Variants in THSD7A observed in about 807,000 individuals in gnomAD.
THSD7A encodes thrombospondin type 1 domain containing 7A, also known as thrombospondin type-1 domain-containing protein 7A.
Under a neutral mutation model 231.3 loss-of-function variants are expected in THSD7A, and 96 were observed. The ratio of observed to expected loss-of-function variants is 0.41; its 90% confidence interval spans 0.35 to 0.49. The LOEUF (loss-of-function observed/expected upper bound fraction) is 0.49. Ranked by LOEUF, THSD7A falls within the 20% of genes least tolerant of loss-of-function variation. THSD7A has a pLI of 0.05. For synonymous variants in THSD7A, 940 were observed against 743.3 expected, an observed-to-expected ratio of 1.26 and a Z score of -4.30; for missense variants, 2,290 against 2,070.2, an observed-to-expected ratio of 1.11 and a Z score of -2.06.
chr7:11,392,539 C>G (rs1395408176), intron 23 of THSD7A, among the ~76,000 whole-genome samples: 3 of 152,108 alleles, frequency 2.0e-5, no homozygotes, highest in Non-Finnish European at 4.4e-5. Context: ...CCGAACTATT[C>G]ACTCCCCTGG....
At chr7:11,485,734 G>A (rs1438613138) in intron 6 of THSD7A, among the ~76,000 whole-genome samples, 1 of 152,082 alleles carries the variant, frequency 6.6e-6, no homozygotes, top group Non-Finnish European at 1.5e-5. Context: ...TAATAGATAA[G>A]GCTTTGCCTC....
chr7:11,439,567 C>T (rs1418139377), intron 13 of THSD7A, among the ~76,000 whole-genome samples: 1 of 151,972 alleles, frequency 6.6e-6, no homozygotes, highest in Non-Finnish European at 1.5e-5. Context: ...AAGTAGTACT[C>T]CTGTGAACAC....
chr7:11,558,728 T>C (rs62434472), intron 4 of THSD7A, among the ~76,000 whole-genome samples: 2,707 of 152,232 alleles, frequency 0.018, 35 homozygotes, highest in Middle Eastern at 0.031. Context: ...GGAGTAAAAT[T>C]AAGCATTGAT....
chr7:11,673,885 G>T (rs531858755), intron 1 of THSD7A, among the ~76,000 whole-genome samples: 1 of 152,224 alleles, frequency 6.6e-6, no homozygotes, highest in African/African-American at 2.4e-5. Context: ...GGGAGCATGA[G>T]CTGAGCAGCC....
intron 4 of THSD7A, among the ~76,000 whole-genome samples, chr7:11,569,090 A>G (rs1790511054): frequency 6.6e-6 from 1 of 152,114 alleles, no homozygotes; most frequent in African/African-American, 2.4e-5. Flanking sequence ...TAAAATGACT[A>G]GAAGAAAGCA....
At chr7:11,471,365 C>G (rs7802023) in intron 8 of THSD7A, among the ~76,000 whole-genome samples, 9,383 of 151,894 alleles carry the variant, frequency 0.062, 917 homozygotes, top group African/African-American at 0.21. Context: ...TGTCTTTTGT[C>G]AAGTAAGTTA....
At chr7:11,770,304 T>C (rs1298142277) in intron 1 of THSD7A, among the ~76,000 whole-genome samples, 6 of 152,226 alleles carry the variant, frequency 3.9e-5, no homozygotes, top group Non-Finnish European at 5.9e-5. Context: ...AGTTTGCTAA[T>C]AGAAAATAAT....
intron 1 of THSD7A, among the ~76,000 whole-genome samples, chr7:11,755,289 C>T (rs1276102099): frequency 6.6e-6 from 1 of 152,070 alleles, no homozygotes; most frequent in Non-Finnish European, 1.5e-5. Flanking sequence ...TCCTACAAAT[C>T]CTGACAAAAT....
At chr7:11,496,452 A>G (rs1787102476) in intron 6 of THSD7A, among the ~76,000 whole-genome samples, 1 of 152,144 alleles carries the variant, frequency 6.6e-6, no homozygotes, top group Non-Finnish European at 1.5e-5. Context: ...CACTTGCCCA[A>G]GGTTACACAA....
intron 17 of THSD7A, 41 bp from the exon 18 acceptor site, chr7:11,412,841 C>G (rs768365139): frequency 1.3e-6 from 2 of 1,584,710 alleles, no homozygotes; most frequent in South Asian, 2.3e-5. Flanking sequence ...GGTGAATACT[C>G]AGCTACACAA....
At chr7:11,686,386 T>C (rs781696532) in intron 1 of THSD7A, among the ~76,000 whole-genome samples, 17 of 151,896 alleles carry the variant, frequency 1.1e-4, no homozygotes, top group Non-Finnish European at 2.1e-4. Flanking sequence ...TAATGCTATT[T>C]AGCATTCTTT....
At chr7:11,489,349 C>T (rs2128307075) in intron 6 of THSD7A, among the ~76,000 whole-genome samples, 1 of 152,220 alleles carries the variant, frequency 6.6e-6, no homozygotes, top group Middle Eastern at 3.4e-3. Flanking sequence ...AGATTTCTTC[C>T]TGGCTATAGG....
intron 7 of THSD7A, among the ~76,000 whole-genome samples, chr7:11,478,680 C>G (rs997814380): frequency 1.2e-4 from 18 of 152,266 alleles, no homozygotes; most frequent in African/African-American, 4.3e-4. Context: ...TTCTATCATT[C>G]TGTCATTCAT....
At chr7:11,477,981 A>T (rs1026867824) in intron 7 of THSD7A, among the ~76,000 whole-genome samples, 3 of 152,194 alleles carry the variant, frequency 2.0e-5, no homozygotes, top group Admixed American at 6.5e-5. Flanking sequence ...AAATAAATTA[A>T]TAACATCCAA....
chr7:11,575,049 T>G (rs988613410), intron 4 of THSD7A, among the ~76,000 whole-genome samples: 2 of 152,196 alleles, frequency 1.3e-5, no homozygotes, highest in Non-Finnish European at 2.9e-5. Flanking sequence ...CCATATTATA[T>G]AATAATAGTG....
At chr7:11,402,986 G>C (rs1783458327) in intron 22 of THSD7A, among the ~76,000 whole-genome samples, 1 of 152,044 alleles carries the variant, frequency 6.6e-6, no homozygotes, top group African/African-American at 2.4e-5. Context: ...TGCAATTGCT[G>C]GGCCATAGTG....
rs1243515572 is a variant in THSD7A, at chr7:11,830,151, A to C, written c.190+1606T>G. Among the ~76,000 whole-genome samples, 53 of 152,192 alleles carry C rather than the reference A, an allele frequency of 3.5e-4. 1 individual carries two copies. The highest frequency in any genetic ancestry group is 3.4e-3 in the Admixed American group (52 of 15,284). ...GTTTCTGAGAGCTTCCCACTATTTTAAACTGTTTATTGGCTTGTGTTCCTA... is the reference window on the plus strand; with the variant it reads ...GTTTCTGAGAGCTTCCCACTATTTTCAACTGTTTATTGGCTTGTGTTCCTA... On this transcript the variant is annotated intron_variant, in intron 1 of 27. Coordinates refer to ENST00000423059, the MANE Select transcript of THSD7A (RefSeq NM_015204.3).
intron 6 of THSD7A, among the ~76,000 whole-genome samples, chr7:11,532,043 G>A (rs1788730420): frequency 6.6e-6 from 1 of 151,968 alleles, no homozygotes; most frequent in South Asian, 2.1e-4. Context: ...CAGAACCTAG[G>A]CAATAAGTGA....
In THSD7A at chr7:11,542,993, A is replaced by G. The variant is rs770301666; in HGVS notation, c.1578T>C (p.Tyr526=). The change falls in exon 5 of 28, where the codon TAT becomes TAC. Residue 526 remains tyrosine, a synonymous_variant. Transcript: ENST00000423059. ...TCCCTTGCTGATCATTACAGTTTTC[A>G]TAAGTACAAGGTCCCCAAGCTGACC... ...SPWSAWGPCT[Y]ENCNDQQGKK... 5.3e-5 allele frequency: 86 copies of G among 1,613,680 alleles called. No individual in the cohort carries two copies. The highest frequency in any genetic ancestry group is 4.3e-4 in the Admixed American group (26 of 59,988).
Sources: gnomAD v4.1 joint callset for allele counts (sites outside exome capture counted in the v4.1 genomes callset) on GRCh38, gnomAD v4.1.1 for gene constraint, MANE v1.5 for transcripts, NCBI Gene and HGNC (gene_info 2026-07-23, HGNC 2026-07-21) for gene names.